AP3B1: variants seen among roughly 807,000 people sequenced by gnomAD.
The protein encoded by AP3B1 is AP-3 complex subunit beta-1.
AP3B1 carries 61 observed loss-of-function variants against 132.5 expected under a neutral mutation model. The ratio of observed to expected loss-of-function variants is 0.46; its 90% CI spans 0.37 to 0.57. AP3B1 has a LOEUF of 0.57. Ranked by LOEUF, AP3B1 falls within the 20% of genes least tolerant of loss-of-function variation. The pLI is 0.00. For synonymous variants in AP3B1, 388 were observed against 438.3 expected, an observed-to-expected ratio of 0.89 and a Z score of 1.43; for missense variants, 1,120 against 1,289.4, an observed-to-expected ratio of 0.87 and a Z score of 2.01.
intron 16 of AP3B1, 58 bp from the exon 17 acceptor site, chr5:78,128,218 C>A (rs1212061092): frequency 5.0e-6 from 7 of 1,409,696 alleles, no homozygotes; most frequent in Admixed American, 1.9e-5. Flanking sequence ...TAACAGAGAA[C>A]AATCATAATC....
chr5:78,086,496 T>C (rs1750259878), intron 22 of AP3B1, among the ~76,000 whole-genome samples: 1 of 152,130 alleles, frequency 6.6e-6, no homozygotes, highest in Non-Finnish European at 1.5e-5. Context: ...GTCTCTAATT[T>C]GTAAAGCGCA....
intron 2 of AP3B1, among the ~76,000 whole-genome samples, chr5:78,262,143 T>C (rs752100072): frequency 1.3e-5 from 2 of 152,250 alleles, no homozygotes; most frequent in Admixed American, 6.5e-5. Flanking sequence ...ATCAGATATA[T>C]GATTTGCAAA....
intron 22 of AP3B1, among the ~76,000 whole-genome samples, chr5:78,070,381 T>C (rs1349914236): frequency 2.0e-5 from 3 of 146,806 alleles, no homozygotes; most frequent in African/African-American, 7.6e-5. Flanking sequence ...CACTCCAGCC[T>C]GGGCAACAGA....
chr5:78,115,878 G>A (rs1011396922), intron 18 of AP3B1: 1 of 457,210 alleles, frequency 2.2e-6, no homozygotes, highest in Non-Finnish European at 4.0e-6. Flanking sequence ...AGAAAAGTAT[G>A]AGTTCCTGTT....
intron 26 of AP3B1, among the ~76,000 whole-genome samples, chr5:78,012,749 G>A (rs1198759988): frequency 6.6e-6 from 1 of 152,208 alleles, no homozygotes; most frequent in Non-Finnish European, 1.5e-5. Context: ...GGATGAGTAT[G>A]AGGACCACGA....
intron 1 of AP3B1, among the ~76,000 whole-genome samples, chr5:78,285,304 A>G (rs1458520520): frequency 6.6e-6 from 1 of 151,672 alleles, no homozygotes; most frequent in Non-Finnish European, 1.5e-5. Flanking sequence ...TCTTGAGCCC[A>G]CTCATGAGGC....
intron 2 of AP3B1, among the ~76,000 whole-genome samples, chr5:78,247,867 G>T (rs570046440): frequency 1.3e-5 from 2 of 152,050 alleles, no homozygotes; most frequent in Non-Finnish European, 2.9e-5. Flanking sequence ...TACCATTTTA[G>T]TATCCGTTTC....
In AP3B1 at chr5:78,271,168, T is replaced by A. The variant is rs1380807771; in HGVS notation, c.129-3573A>T. On this transcript the variant is annotated intron_variant, in intron 1 of 26. Transcript: ENST00000255194. ...AGGGCACAGTGGCTCAAGCCTGTAA[T>A]CCCAGCACTTTGGGAGGCTGAGGCG... 2.6e-5 allele frequency among the ~76,000 whole-genome samples: 4 copies of A among 152,324 alleles called. No individual in the cohort carries two copies. In the East Asian group the frequency reaches 7.7e-4, roughly 29 times the overall value.
At chr5:78,059,511 T>C (rs893041885) in intron 22 of AP3B1, among the ~76,000 whole-genome samples, 7 of 152,084 alleles carry the variant, frequency 4.6e-5, no homozygotes, top group East Asian at 1.9e-4. Flanking sequence ...TTTGTATGCA[T>C]GCAACTTTTT....
chr5:78,217,434 G>T (rs1468946291), intron 6 of AP3B1, among the ~76,000 whole-genome samples: 2 of 152,066 alleles, frequency 1.3e-5, no homozygotes, highest in Admixed American at 1.3e-4. Context: ...GTGCCTGCTG[G>T]TCCCAGCATG....
chr5:78,210,710 C>A (rs908667345), intron 7 of AP3B1, among the ~76,000 whole-genome samples: 2 of 152,128 alleles, frequency 1.3e-5, no homozygotes, highest in African/African-American at 4.8e-5. Context: ...TAGATTCATG[C>A]AATTAAAAAC....
At chr5:78,260,986 T>G (rs1379927102) in intron 2 of AP3B1, among the ~76,000 whole-genome samples, 3 of 152,254 alleles carry the variant, frequency 2.0e-5, no homozygotes, top group Admixed American at 2.0e-4. Flanking sequence ...ATTGCACAGA[T>G]GTACCACATT....
intron 7 of AP3B1, among the ~76,000 whole-genome samples, chr5:78,193,501 T>C (rs1449068031): frequency 2.0e-5 from 3 of 151,656 alleles, no homozygotes; most frequent in Non-Finnish European, 4.4e-5. Context: ...TTCCACTTAT[T>C]CCACTTGGTA....
intron 14 of AP3B1, 58 bp downstream of exon 14, chr5:78,156,200 T>A (rs1245135481): frequency 5.5e-6 from 7 of 1,283,178 alleles, no homozygotes; most frequent in East Asian, 2.3e-5. Flanking sequence ...CCATTTATTT[T>A]AACAAAATTA....
intron 22 of AP3B1, among the ~76,000 whole-genome samples, chr5:78,050,328 C>A (rs984388363): frequency 6.6e-6 from 1 of 152,134 alleles, no homozygotes; most frequent in Non-Finnish European, 1.5e-5. Flanking sequence ...ATCTACTTCC[C>A]ACTTTTATGC....
chr5:78,228,257 T>C lies in AP3B1; in HGVS notation c.280-18A>G. The C allele has an allele frequency of 3.8e-6, 6 of 1,580,386 alleles. No individual in the cohort carries two copies. The highest frequency in any genetic ancestry group is 2.2e-5 in the South Asian group (2 of 89,788). On this transcript the variant is annotated intron_variant, in intron 3 of 26. Coordinates refer to ENST00000255194, the MANE Select transcript of AP3B1 (RefSeq NM_003664.5). ...TTCTTGATCTGTTAAAAAAAAATCA[T>C]TTATTCATAACCAGAGTGAAAATTT... is the stretch of plus-strand genomic sequence containing the variant.
At chr5:78,146,806 T>C (rs888665726) in intron 14 of AP3B1, among the ~76,000 whole-genome samples, 1 of 152,170 alleles carries the variant, frequency 6.6e-6, no homozygotes, top group Non-Finnish European at 1.5e-5. Context: ...CTTCTTTAAA[T>C]GCATTCTTTA....
intron 17 of AP3B1, among the ~76,000 whole-genome samples, chr5:78,119,556 G>T (rs1158948295): frequency 6.6e-6 from 1 of 152,184 alleles, no homozygotes; most frequent in Middle Eastern, 3.2e-3. Flanking sequence ...GAAGCCTCAG[G>T]AGCCGACGCG....
At chr5:78,011,948 TATC>T (rs1746642208) in intron 26 of AP3B1, among the ~76,000 whole-genome samples, 1 of 152,134 alleles carries the variant, frequency 6.6e-6, no homozygotes, top group South Asian at 2.1e-4. Context: ...AAGAGTAACT[TATC>T]ATATTGAAAA....
Sources: allele counts gnomAD v4.1 joint callset (sites outside exome capture counted in the v4.1 genomes callset), GRCh38; gene constraint gnomAD v4.1.1; transcripts MANE v1.5; gene names NCBI Gene and HGNC (gene_info 2026-07-23, HGNC 2026-07-21).